Variants in ARHGAP35 observed in about 807,000 individuals in gnomAD.
The protein encoded by ARHGAP35 is Rho GTPase activating protein 35.
ARHGAP35 carries 15 observed loss-of-function variants against 111.1 expected under a neutral mutation model. The observed-to-expected ratio is 0.13, with a 90% CI of 0.09 to 0.21. ARHGAP35 has a LOEUF of 0.21. ARHGAP35 is among the 10% of genes least tolerant of loss of function. The pLI, the probability that ARHGAP35 is intolerant of heterozygous loss-of-function variation, is 1.00. For synonymous variants in ARHGAP35, 643 were observed against 710.3 expected (o/e 0.91, Z 1.51); for missense variants, 1,262 against 1,873.0 (o/e 0.67, Z 6.02).
At chr19:46,975,513 A>G (rs555180887) in intron 3 of ARHGAP35, among the ~76,000 whole-genome samples, 1 of 152,286 alleles carries the variant, frequency 6.6e-6, no homozygotes, top group East Asian at 1.9e-4. Flanking sequence ...TACACCCCAT[A>G]CATGGTTTAT....
chr19:46,875,057 G>A (rs1164109290), intron 1 of ARHGAP35, among the ~76,000 whole-genome samples: 1 of 151,916 alleles, frequency 6.6e-6, no homozygotes, highest in East Asian at 1.9e-4. Context: ...TGATCTGCCC[G>A]CCTCGGCCTT....
chr19:46,890,424 G>C (rs1277883532), intron 1 of ARHGAP35, among the ~76,000 whole-genome samples: 1 of 152,240 alleles, frequency 6.6e-6, no homozygotes, highest in Non-Finnish European at 1.5e-5. Flanking sequence ...ATGCTGGGCA[G>C]TGGTCATAGA....
At chr19:46,938,947 G>A (rs11083853) in intron 3 of ARHGAP35, among the ~76,000 whole-genome samples, 7 of 152,218 alleles carry the variant, frequency 4.6e-5, no homozygotes, top group Non-Finnish European at 1.0e-4. Flanking sequence ...GAGCCACTGC[G>A]CCTGGCCTGA....
intron 1 of ARHGAP35, among the ~76,000 whole-genome samples, chr19:46,906,048 G>A (rs1397246728): frequency 6.6e-6 from 1 of 151,928 alleles, no homozygotes; most frequent in African/African-American, 2.4e-5. Flanking sequence ...TAGGTAAGGT[G>A]GCTCACACCT....
At chr19:46,870,080 G>A (rs2055879738) in intron 1 of ARHGAP35, among the ~76,000 whole-genome samples, 1 of 151,188 alleles carries the variant, frequency 6.6e-6, no homozygotes, top group African/African-American at 2.4e-5. Flanking sequence ...CCAAGTAGCT[G>A]GGACTACAGG....
chr19:46,984,931 G>T (rs113683438), intron 3 of ARHGAP35, among the ~76,000 whole-genome samples: 7 of 152,216 alleles, frequency 4.6e-5, no homozygotes, highest in African/African-American at 1.7e-4. Context: ...GTGATGTGCG[G>T]CCCTCGGCTG....
chr19:46,922,440 C>A lies in ARHGAP35; in HGVS notation c.3681+84C>A. ...ATTGATGATGATTTTTCAAGGACAA[C>A]CTATTCTGGTAAAAAAAAAACTGCC... On this transcript the variant is annotated intron_variant, in intron 2 of 6. Transcript: ENST00000672722. The surrounding 1 kb of genome is among the most constrained non-coding windows in gnomAD (Gnocchi z 4.0). The A allele has an allele frequency of 7.5e-7, 1 of 1,325,370 alleles. No homozygotes were observed. Among genetic ancestry groups the A allele is most frequent in the Non-Finnish European group, 1.0e-6 (1 of 1,003,510 alleles). 82.1% of individuals were successfully genotyped at this position (1,325,370 alleles called of 1,614,324 possible).
At chr19:46,895,196 C>T (rs1376103358) in intron 1 of ARHGAP35, among the ~76,000 whole-genome samples, 1 of 149,532 alleles carries the variant, frequency 6.7e-6, no homozygotes, top group Non-Finnish European at 1.5e-5. Flanking sequence ...CGGAGTCTCG[C>T]TCTGTCACCC....
rs1286379964 is a variant in ARHGAP35, at chr19:46,945,346, G to T, written c.3826+7938G>T. Among the ~76,000 whole-genome samples, 1 of 152,126 alleles carries T rather than the reference G, an allele frequency of 6.6e-6. No individual in the cohort carries two copies. The highest frequency in any genetic ancestry group is 1.9e-4 in the East Asian group (1 of 5,194). On this transcript the variant is annotated intron_variant, in intron 3 of 6. Coordinates refer to ENST00000672722, the MANE Select transcript of ARHGAP35 (RefSeq NM_004491.5). The surrounding 1 kb of genome is among the most constrained non-coding windows in gnomAD (Gnocchi z 4.1). ...TGGCTCCTAATGACAGAGAACATTG[G>T]CCAAGCTCATCTGAGCTCTCTGATG... is the stretch of plus-strand genomic sequence containing the variant.
intron 3 of ARHGAP35, among the ~76,000 whole-genome samples, chr19:46,958,817 A>G (rs2056458299): frequency 6.6e-6 from 1 of 152,228 alleles, no homozygotes; most frequent in Non-Finnish European, 1.5e-5. Flanking sequence ...ATCTGTAACA[A>G]CAGGCATTCT....
chr19:46,889,614 T>C (rs1446923900), intron 1 of ARHGAP35, among the ~76,000 whole-genome samples: 1 of 151,928 alleles, frequency 6.6e-6, no homozygotes, highest in Non-Finnish European at 1.5e-5. Context: ...GAAAATAGAA[T>C]ATCCTCACCC....
chr19:46,897,912 T>A (rs1204791778), intron 1 of ARHGAP35, among the ~76,000 whole-genome samples: 2 of 152,122 alleles, frequency 1.3e-5, no homozygotes, highest in Non-Finnish European at 2.9e-5. Flanking sequence ...CTTTTTAGAA[T>A]TAGAGTGACC....
At chr19:46,893,951 A>G (rs912436231) in intron 1 of ARHGAP35, among the ~76,000 whole-genome samples, 1 of 127,898 alleles carries the variant, frequency 7.8e-6, no homozygotes, top group Non-Finnish European at 1.6e-5. Context: ...ACAACTTTAT[A>G]TTGGTGAAGG....
At chr19:46,894,889 C>A (rs1040255821) in intron 1 of ARHGAP35, among the ~76,000 whole-genome samples, 2 of 152,166 alleles carry the variant, frequency 1.3e-5, no homozygotes, top group South Asian at 2.1e-4. Context: ...ATTTTTACTA[C>A]AGGCATTTTA....
chr19:46,891,922 C>G (rs1433740310), intron 1 of ARHGAP35, among the ~76,000 whole-genome samples: 1 of 151,678 alleles, frequency 6.6e-6, no homozygotes, highest in East Asian at 2.0e-4. Context: ...AGGCAGATTG[C>G]TTGAGTTCAG....
Position 46,920,455 on chromosome 19 carries a change from A to G in ARHGAP35, c.1780A>G (p.Asn594Asp). Residue 594 changes from asparagine (N) to aspartate (D), a missense_variant, in exon 2 of 7, where the codon AAC (asparagine) becomes GAC (aspartate). By Grantham distance (23) the Asn-to-Asp change is conservative (BLOSUM62 1). Transcript: ENST00000672722. The surrounding 1 kb of genome is among the most constrained non-coding windows in gnomAD (Gnocchi z 7.0). ...TCAGAAAAATTCACTCTCTGACCCT[A>G]ACATTGATAGAATCAACTTGGTTAT... ...RNQKNSLSDP[N>D]IDRINLVILG... 6.2e-7 allele frequency: 1 copy of G among 1,613,920 alleles called. No homozygotes were observed. Among genetic ancestry groups the G allele is most frequent in the Non-Finnish European group, 8.5e-7 (1 of 1,179,784 alleles).
chr19:46,975,033 G>C (rs985625882), intron 3 of ARHGAP35, among the ~76,000 whole-genome samples: 2 of 152,062 alleles, frequency 1.3e-5, no homozygotes, highest in African/African-American at 4.8e-5. Flanking sequence ...ACCACACCCG[G>C]GTAATTTTTT....
At chr19:46,972,598 A>T (rs2056556968) in intron 3 of ARHGAP35, among the ~76,000 whole-genome samples, 1 of 152,188 alleles carries the variant, frequency 6.6e-6, no homozygotes, top group African/African-American at 2.4e-5. Flanking sequence ...TTCACTCCTG[A>T]GTCTCCCTGT....
chr19:46,877,139 C>T (rs2055928213), intron 1 of ARHGAP35, among the ~76,000 whole-genome samples: 1 of 150,582 alleles, frequency 6.6e-6, no homozygotes, highest in African/African-American at 2.4e-5. Flanking sequence ...ATCCCAGCTA[C>T]TCAGGAGGCT....
Sources: allele counts gnomAD v4.1 joint callset (sites outside exome capture counted in the v4.1 genomes callset), GRCh38; gene constraint gnomAD v4.1.1; non-coding constraint Gnocchi (gnomAD v3.1); transcripts MANE v1.5; gene names NCBI Gene and HGNC (gene_info 2026-07-23, HGNC 2026-07-21).